The following KIRREL3 variants were observed in gnomAD, a reference collection of about 807,000 sequenced individuals.
The protein encoded by KIRREL3 is kirre like nephrin family adhesion molecule 3, also known as kin of IRRE-like protein 3.
In KIRREL3, 36 loss-of-function variants were observed where a neutral mutation model predicts 89.7. The ratio of observed to expected loss-of-function variants is 0.40; its 90% CI spans 0.31 to 0.53. The LOEUF is 0.53. KIRREL3 is among the 20% of genes least tolerant of loss of function. The probability of loss-of-function intolerance (pLI) is 0.49; values close to 1 mark genes in which losing one functional copy is unlikely to be tolerated. For synonymous variants in KIRREL3, 445 were observed against 441.4 expected, an observed-to-expected ratio of 1.01 and a Z score of -0.10; for missense variants, 864 against 1,056.6, an observed-to-expected ratio of 0.82 and a Z score of 2.53.
intron 1 of KIRREL3, among the ~76,000 whole-genome samples, chr11:126,732,830 C>T (rs1365103654): frequency 2.0e-5 from 3 of 152,230 alleles, no homozygotes; most frequent in Non-Finnish European, 4.4e-5. Flanking sequence ...GGGGGAACCC[C>T]TTATCTTACC....
chr11:126,560,730 A>T (rs1210391253), intron 2 of KIRREL3, among the ~76,000 whole-genome samples: 3 of 152,268 alleles, frequency 2.0e-5, no homozygotes, highest in Non-Finnish European at 4.4e-5. Flanking sequence ...TAGGTCTTTT[A>T]TATTTATTCT....
rs1273295732 is a variant in KIRREL3 at position 126,697,790 on chromosome 11, A to G, written c.56-134878T>C. Among the ~76,000 whole-genome samples the G allele has an allele frequency of 2.6e-5, 4 of 152,170 alleles. No homozygotes were observed. Among genetic ancestry groups the G allele is most frequent in the Non-Finnish European group, 5.9e-5 (4 of 68,032 alleles). Reference sequence around the variant, plus strand: ...TCTGATCACCTCCCTATTATTGGATATTAATCAAGTCCTACTCAGACCACA... The same window carrying G: ...TCTGATCACCTCCCTATTATTGGATGTTAATCAAGTCCTACTCAGACCACA... On this transcript the variant is annotated intron_variant, in intron 1 of 16. Transcript: ENST00000525144. The surrounding 1 kb of genome is among the most constrained non-coding windows in gnomAD (Gnocchi z 4.2).
intron 1 of KIRREL3, among the ~76,000 whole-genome samples, chr11:126,810,577 C>T (rs571179531): frequency 2.1e-5 from 3 of 142,892 alleles, no homozygotes; most frequent in East Asian, 3.9e-4. Flanking sequence ...AGTATGGAAC[C>T]GCAAGGAAAG....
In KIRREL3 at chr11:126,557,693, A is replaced by T. The variant is rs1939805734; in HGVS notation, c.133+5142T>A. Reference sequence around the variant, plus strand: ...AAGAACAGGCTCTCACGCCATCATAAAGAACTTTAGAGCTGTCGAAGAAAT... The same window carrying T: ...AAGAACAGGCTCTCACGCCATCATATAGAACTTTAGAGCTGTCGAAGAAAT... On this transcript the variant is annotated intron_variant, in intron 2 of 16. Transcript: ENST00000525144. This position sits in a 1 kb window ranked among gnomAD's most constrained non-coding sequence, Gnocchi z 5.6. Among the ~76,000 whole-genome samples, 1 of 152,182 alleles carries T rather than the reference A, an allele frequency of 6.6e-6. No homozygotes were observed. Among genetic ancestry groups the T allele is most frequent in the Admixed American group, 6.5e-5 (1 of 15,282 alleles).
chr11:126,860,976 T>G lies in KIRREL3; in HGVS notation c.55+139479A>C, dbSNP rs192554965. Among the ~76,000 whole-genome samples, 45 of 152,308 alleles carry G rather than the reference T, an allele frequency of 3.0e-4. No homozygotes were observed. The East Asian group carries it at 6.6e-3, about 22-fold the overall frequency. On this transcript the variant is annotated intron_variant, in intron 1 of 16. Coordinates refer to ENST00000525144, the MANE Select transcript of KIRREL3 (RefSeq NM_032531.4). The surrounding 1 kb of genome is among the most constrained non-coding windows in gnomAD (Gnocchi z 4.6). ...AGAGGCAAACAAATTCTCCCTCCTT[T>G]GTGCCCTCCTGCTTTATGTGTGTAG... is the stretch of plus-strand genomic sequence containing the variant.
chr11:126,483,136 A>G (rs1033766323), intron 4 of KIRREL3, among the ~76,000 whole-genome samples: 15 of 152,226 alleles, frequency 9.9e-5, no homozygotes, highest in Non-Finnish European at 1.9e-4. Flanking sequence ...TACTCAGAGG[A>G]AAGAAACGGT....
chr11:126,667,913 C>G (rs755893474), intron 1 of KIRREL3, among the ~76,000 whole-genome samples: 2 of 152,102 alleles, frequency 1.3e-5, no homozygotes, highest in Non-Finnish European at 2.9e-5. Flanking sequence ...CAGTTAAAAT[C>G]CTGGAGCTCT....
At chr11:126,509,517 T>C (rs1958130004) in intron 4 of KIRREL3, among the ~76,000 whole-genome samples, 1 of 152,234 alleles carries the variant, frequency 6.6e-6, no homozygotes, top group Admixed American at 6.5e-5. Flanking sequence ...CTCCATCCTC[T>C]TTTTTCCTTT....
At chr11:126,497,310 G>A (rs12364794) in intron 4 of KIRREL3, among the ~76,000 whole-genome samples, 59,674 of 151,652 alleles carry the variant, frequency 0.39, 12,082 homozygotes, top group Non-Finnish European at 0.44. Flanking sequence ...GAGAGCGAGA[G>A]AGAGTAAGAC....
Position 126,694,137 on chromosome 11 carries a change from AC to A in KIRREL3, c.56-131226del, listed in dbSNP as rs1946991852. Among the ~76,000 whole-genome samples, 1 of 152,258 alleles carries A rather than the reference AC, an allele frequency of 6.6e-6. No homozygotes were observed. On this transcript the variant is annotated intron_variant, in intron 1 of 16. Coordinates refer to ENST00000525144, the MANE Select transcript of KIRREL3 (RefSeq NM_032531.4). This position sits in a 1 kb window ranked among gnomAD's most constrained non-coding sequence, Gnocchi z 4.4. ...CATGGGCTCCATCCCTAAGGGAGCC[AC>A]ATTCGTTTTTTTTCCTTTCAAAGTC...
rs1950269686 is a variant in KIRREL3 at position 126,999,759 on chromosome 11, A to C, written c.55+696T>G. Among the ~76,000 whole-genome samples, 1 of 152,150 alleles carries C rather than the reference A, an allele frequency of 6.6e-6. No individual in the cohort carries two copies. The highest frequency in any genetic ancestry group is 2.4e-5 in the African/African-American group (1 of 41,436). Reference sequence around the variant, plus strand: ...TGGCAAAGTTCTTTCCGGAGAGTCCACCTGCTTCTCTGCCCCTGCTAGGCT... The same window carrying C: ...TGGCAAAGTTCTTTCCGGAGAGTCCCCCTGCTTCTCTGCCCCTGCTAGGCT... On this transcript the variant is annotated intron_variant, in intron 1 of 16. Coordinates refer to ENST00000525144, the MANE Select transcript of KIRREL3 (RefSeq NM_032531.4). The surrounding 1 kb of genome is among the most constrained non-coding windows in gnomAD (Gnocchi z 5.7).
chr11:126,726,037 CAT>C (rs1237328334), intron 1 of KIRREL3, among the ~76,000 whole-genome samples: 2 of 152,172 alleles, frequency 1.3e-5, no homozygotes, highest in Non-Finnish European at 2.9e-5. Flanking sequence ...AGCATGGAAA[CAT>C]GTGGACTGCA....
intron 1 of KIRREL3, among the ~76,000 whole-genome samples, chr11:126,774,709 C>A (rs1950120220): frequency 6.6e-6 from 1 of 152,134 alleles, no homozygotes; most frequent in Non-Finnish European, 1.5e-5. Context: ...AAAAACTCTC[C>A]TTTGGACAAC....
chr11:126,812,544 T>G lies in KIRREL3; in HGVS notation c.55+187911A>C, dbSNP rs1270643440. 6.6e-6 allele frequency among the ~76,000 whole-genome samples: 1 copy of G among 152,184 alleles called. No homozygotes were observed. Among genetic ancestry groups the G allele is most frequent in the East Asian group, 1.9e-4 (1 of 5,194 alleles). The stretch of plus-strand genomic sequence containing the variant: ...CCACTCCAGTACTCCGCACGGTGTC[T>G]GGCACACAGTAGGCACTTCACAAAT... On this transcript the variant is annotated intron_variant, in intron 1 of 16. Coordinates refer to ENST00000525144, the MANE Select transcript of KIRREL3 (RefSeq NM_032531.4). The surrounding 1 kb of genome is among the most constrained non-coding windows in gnomAD (Gnocchi z 5.2).
At position 126,783,425 on chromosome 11, in the gene KIRREL3, T is replaced by C. The variant is rs1212536783; in HGVS notation, c.55+217030A>G. 2.6e-5 allele frequency among the ~76,000 whole-genome samples: 4 copies of C among 152,212 alleles called. No homozygotes were observed. Among genetic ancestry groups the C allele is most frequent in the Non-Finnish European group, 5.9e-5 (4 of 68,038 alleles). On this transcript the variant is annotated intron_variant, in intron 1 of 16. Coordinates refer to ENST00000525144, the MANE Select transcript of KIRREL3 (RefSeq NM_032531.4). This position sits in a 1 kb window ranked among gnomAD's most constrained non-coding sequence, Gnocchi z 4.3. ...CCTGCTTCAAAATAAGGTCATATTC[T>C]GTGGTATTGGGTGTTAGGACTTCAA...
In KIRREL3 at chr11:126,791,380, C is replaced by A. The variant is rs1950635989; in HGVS notation, c.55+209075G>T. 6.6e-6 allele frequency among the ~76,000 whole-genome samples: 1 copy of A among 152,236 alleles called. No homozygotes were observed. Among genetic ancestry groups the A allele is most frequent in the Non-Finnish European group, 1.5e-5 (1 of 68,034 alleles). On this transcript the variant is annotated intron_variant, in intron 1 of 16. Transcript: ENST00000525144. The surrounding 1 kb of genome is among the most constrained non-coding windows in gnomAD (Gnocchi z 4.8). ...TGGGCTGCATGCAGCCAGCTACCCG[C>A]TTCCCAGGCTTCTGCTCACGGGAGC...
chr11:127,001,712 T>C (rs1950318370), upstream of KIRREL3, among the ~76,000 whole-genome samples: 1 of 151,950 alleles, frequency 6.6e-6, no homozygotes. Flanking sequence ...TGGGTCTATT[T>C]ACTTAATAGA....
chr11:126,926,048 AC>A (rs1483744765), intron 1 of KIRREL3, among the ~76,000 whole-genome samples: 4 of 152,186 alleles, frequency 2.6e-5, no homozygotes, highest in Admixed American at 2.0e-4. Context: ...TATGACTCTA[AC>A]CACCACGCCC....
Position 126,645,879 on chromosome 11 carries a change from G to A in KIRREL3, c.56-82967C>T, listed in dbSNP as rs1049244502. Reference sequence around the variant, plus strand: ...GGCCAGGGCTAATACTAATGCATATGCTGTTAAACCTTTTTAATTAACTTC... The same window carrying A: ...GGCCAGGGCTAATACTAATGCATATACTGTTAAACCTTTTTAATTAACTTC... On this transcript the variant is annotated intron_variant, in intron 1 of 16. Coordinates refer to ENST00000525144, the MANE Select transcript of KIRREL3 (RefSeq NM_032531.4). This position sits in a 1 kb window ranked among gnomAD's most constrained non-coding sequence, Gnocchi z 4.9. 2.0e-5 allele frequency among the ~76,000 whole-genome samples: 3 copies of A among 152,112 alleles called. No homozygotes were observed. The highest frequency in any genetic ancestry group is 2.9e-5 in the Non-Finnish European group (2 of 68,022).
Sources: allele counts gnomAD v4.1 joint callset (sites outside exome capture counted in the v4.1 genomes callset), GRCh38; gene constraint gnomAD v4.1.1; non-coding constraint Gnocchi (gnomAD v3.1); transcripts MANE v1.5; gene names NCBI Gene and HGNC (gene_info 2026-07-23, HGNC 2026-07-21).